MYO5B: variants seen among roughly 807,000 people sequenced by gnomAD.
MYO5B encodes the protein unconventional myosin-Vb.
Under a neutral mutation model 229.3 loss-of-function variants are expected in MYO5B, and 143 were observed. The observed-to-expected ratio is 0.62, with a 90% CI of 0.54 to 0.72. The LOEUF is 0.72. Ranked by LOEUF, MYO5B falls within the 30% of genes least tolerant of loss-of-function variation. MYO5B has a pLI of 0.00. For synonymous variants in MYO5B, 918 were observed against 885.2 expected (o/e 1.04, Z -0.66); for missense variants, 2,321 against 2,331.0 (o/e 1.00, Z 0.09).
chr18:50,187,573 G>A (rs2033165841), intron 1 of MYO5B, among the ~76,000 whole-genome samples: 2 of 152,156 alleles, frequency 1.3e-5, no homozygotes, highest in Admixed American at 6.5e-5. Flanking sequence ...CTGGAGTGCA[G>A]TGGCACAATC....
intron 1 of MYO5B, among the ~76,000 whole-genome samples, chr18:50,144,021 G>T (rs1374883303): frequency 6.6e-6 from 1 of 152,170 alleles, no homozygotes; most frequent in East Asian, 1.9e-4. Context: ...AGCTGGTGAG[G>T]CAAGCTGCAC....
At chr18:50,138,664 A>G (rs1367088133) in intron 1 of MYO5B, among the ~76,000 whole-genome samples, 19 of 152,198 alleles carry the variant, frequency 1.2e-4, no homozygotes, top group Admixed American at 1.2e-3. Flanking sequence ...AAAAAAAAAA[A>G]AAGAAGTGAA....
At chr18:49,970,742 G>A (rs1005677552) in intron 10 of MYO5B, 4 of 152,172 alleles carry the variant, frequency 2.6e-5, no homozygotes, top group African/African-American at 9.7e-5. Context: ...AGCTCATCCG[G>A]GGACAGTTAT....
At chr18:50,118,505 G>C (rs1215325947) in intron 1 of MYO5B, among the ~76,000 whole-genome samples, 2 of 152,164 alleles carry the variant, frequency 1.3e-5, no homozygotes, top group Non-Finnish European at 2.9e-5. Flanking sequence ...CTGATCCCCA[G>C]GTCTGGTGTG....
chr18:49,930,655 G>A (rs1371690299), intron 16 of MYO5B, among the ~76,000 whole-genome samples: 4 of 152,164 alleles, frequency 2.6e-5, no homozygotes, highest in African/African-American at 9.7e-5. Context: ...TACTTTGGGA[G>A]GCCGAGGTGG....
chr18:50,158,574 A>G (rs532058754), intron 1 of MYO5B, among the ~76,000 whole-genome samples: 1 of 152,342 alleles, frequency 6.6e-6, no homozygotes, highest in African/African-American at 2.4e-5. Context: ...TACATGGACA[A>G]TCACAAAATC....
At chr18:49,974,319 G>A (rs775205907) in intron 10 of MYO5B, 31 bp downstream of exon 10, 1 of 1,614,122 alleles carries the variant, frequency 6.2e-7, no homozygotes, top group Non-Finnish European at 8.5e-7. Context: ...CTCCCAGGTA[G>A]CAGATAGAGC....
At chr18:50,165,253 C>T (rs2032828518) in intron 1 of MYO5B, among the ~76,000 whole-genome samples, 1 of 151,824 alleles carries the variant, frequency 6.6e-6, no homozygotes, top group African/African-American at 2.4e-5. Flanking sequence ...GTGGCTGAGG[C>T]AGGAGGATCA....
intron 31 of MYO5B, 63 bp downstream of exon 31, chr18:49,853,386 G>C (rs1053939903): frequency 1.3e-6 from 2 of 1,574,746 alleles, no homozygotes; most frequent in East Asian, 2.2e-5. Context: ...AGGCAACCCC[G>C]ATCCCATTTG....
chr18:49,971,367 T>C (rs2025690398), intron 10 of MYO5B, among the ~76,000 whole-genome samples: 1 of 151,914 alleles, frequency 6.6e-6, no homozygotes, highest in Admixed American at 6.6e-5. Flanking sequence ...GTATGTGAAG[T>C]CCAAAGGAAA....
intron 1 of MYO5B, among the ~76,000 whole-genome samples, chr18:50,130,002 A>G (rs2032228957): frequency 6.6e-6 from 1 of 152,156 alleles, no homozygotes; most frequent in Non-Finnish European, 1.5e-5. Context: ...TCCCAGGAGC[A>G]GTGCAGCTCA....
chr18:49,985,758 A>C (rs1288868398), intron 7 of MYO5B, among the ~76,000 whole-genome samples: 1 of 152,144 alleles, frequency 6.6e-6, no homozygotes, highest in African/African-American at 2.4e-5. Flanking sequence ...TGAAAACCCT[A>C]AGTTCTTTTC....
Position 50,001,375 on chromosome 18 carries a change from C to T in MYO5B, c.492G>A (p.Glu164=), listed in dbSNP as rs1238055088. The change falls in exon 5 of 40, where the codon GAG becomes GAA. Residue 164 remains glutamate (E), a synonymous_variant. Coordinates refer to ENST00000285039, the MANE Select transcript of MYO5B (RefSeq NM_001080467.3). ...EKNQSIIVSG[E]SGAGKTVSAK... is the part of the protein sequence containing the mutation. ...CTGATACCGTCTTCCCGGCTCCAGA[C>T]TCCCCACTGACTATGATGGACTGAT... 1 of 1,614,076 alleles carries T rather than the reference C, an allele frequency of 6.2e-7. No individual in the cohort carries two copies. The highest frequency in any genetic ancestry group is 8.5e-7 in the Non-Finnish European group (1 of 1,180,026).
intron 1 of MYO5B, among the ~76,000 whole-genome samples, chr18:50,139,857 C>T (rs2032391291): frequency 6.6e-6 from 1 of 152,166 alleles, no homozygotes; most frequent in Non-Finnish European, 1.5e-5. Context: ...TACTTTTGCA[C>T]CAACCTAATA....
chr18:50,135,728 G>C lies in MYO5B; in HGVS notation c.27+59039C>G, dbSNP rs186891299. Among the ~76,000 whole-genome samples the C allele has an allele frequency of 4.8e-4, 73 of 152,298 alleles. 1 individual carries two copies. The highest frequency in any genetic ancestry group is 3.3e-3 in the Admixed American group (51 of 15,288). On this transcript the variant is annotated intron_variant, in intron 1 of 39. Transcript: ENST00000285039. ...TGCACGCTGTCTTACTATTGTAAAA[G>C]CAGGTTTTTAAACAGCTACATCCTG...
At chr18:50,129,539 C>T (rs1164638703) in intron 1 of MYO5B, among the ~76,000 whole-genome samples, 1 of 152,226 alleles carries the variant, frequency 6.6e-6, no homozygotes, top group African/African-American at 2.4e-5. Flanking sequence ...AACAGCTGTA[C>T]TTACAGACAC....
intron 8 of MYO5B, among the ~76,000 whole-genome samples, chr18:49,981,611 A>G (rs1403591627): frequency 6.6e-6 from 1 of 152,248 alleles, no homozygotes; most frequent in Admixed American, 6.5e-5. Flanking sequence ...AAATAATATA[A>G]TGAATCCCTG....
At position 50,190,653 on chromosome 18, in the gene MYO5B, C is replaced by T. The variant is rs537087032; in HGVS notation, c.27+4114G>A. 6.6e-5 allele frequency among the ~76,000 whole-genome samples: 10 copies of T among 152,192 alleles called. No individual in the cohort carries two copies. The South Asian group carries it at 2.1e-3, about 32-fold the overall frequency. ...AAAAAAAAATCACATAACATATAAA[C>T]TGCCACTTGAAGGGAACAGATCAAG... On this transcript the variant is annotated intron_variant, in intron 1 of 39. Coordinates refer to ENST00000285039, the MANE Select transcript of MYO5B (RefSeq NM_001080467.3).
chr18:50,030,463 G>T (rs2001369), intron 4 of MYO5B, among the ~76,000 whole-genome samples: 1,566 of 152,094 alleles, frequency 0.01, 9 homozygotes, highest in Non-Finnish European at 0.015. Context: ...GCTTTTTCAC[G>T]ATGGACACTC....
Sources: allele counts gnomAD v4.1 joint callset (sites outside exome capture counted in the v4.1 genomes callset), GRCh38; gene constraint gnomAD v4.1.1; transcripts MANE v1.5; gene names NCBI Gene and HGNC (gene_info 2026-07-23, HGNC 2026-07-21).